PIAS1: variants seen among roughly 807,000 people sequenced by gnomAD.
The protein encoded by PIAS1 is protein inhibitor of activated STAT 1.
A neutral mutation model predicts 71.3 loss-of-function variants in PIAS1; 6 were observed. The observed-to-expected ratio is 0.08, with a 90% CI of 0.05 to 0.17. The LOEUF (loss-of-function observed/expected upper bound fraction) is 0.17. Ranked by LOEUF, PIAS1 falls within the 10% of genes least tolerant of loss-of-function variation. The pLI, the probability that PIAS1 is intolerant of heterozygous loss-of-function variation, is 1.00. For missense variants in PIAS1, 555 were observed against 793.6 expected, an observed-to-expected ratio of 0.70 and a Z score of 3.61; for synonymous variants, 303 against 292.9, an observed-to-expected ratio of 1.03 and a Z score of -0.35.
intron 11 of PIAS1, among the ~76,000 whole-genome samples, chr15:68,176,901 G>A (rs1223761627): frequency 6.6e-6 from 1 of 152,112 alleles, no homozygotes; most frequent in Non-Finnish European, 1.5e-5. Flanking sequence ...AAACTGTGGT[G>A]TACGTACATC....
At chr15:68,065,915 C>CTTTTTTTTTTTTTTTTTTTTTTTTT (rs869104577) in intron 1 of PIAS1, among the ~76,000 whole-genome samples, 1 of 40,160 alleles carries the variant, frequency 2.5e-5, no homozygotes, top group African/African-American at 1.3e-4. Context: ...TGACTAAAAG[C>CTTTTTTTTTTTTTTTTTTTTTTTTT]TTTTTTTTTT....
chr15:68,187,957 CTTT>C lies in PIAS1; in HGVS notation c.*127_*129del, dbSNP rs1359578159. The C allele has an allele frequency of 3.5e-6, 3 of 869,486 alleles. No homozygotes were observed. Among genetic ancestry groups the C allele is most frequent in the Non-Finnish European group, 5.2e-6 (3 of 581,524 alleles). The allele number at this position is 869,486 out of a possible 1,614,324, so 53.9% of individuals were successfully genotyped here. A position where few individuals can be genotyped will look rare whatever the true frequency, so the allele number is the denominator to read the frequency against. On this transcript the variant is annotated 3_prime_UTR_variant, in exon 14 of 14. Transcript: ENST00000249636. The surrounding 1 kb of genome is among the most constrained non-coding windows in gnomAD (Gnocchi z 5.3). ...AAAGTATACAAGCGTGTTTTTTTTC[CTTT>C]TTTTAGGGAAAAAATTAAAAGAAAT...
At chr15:68,154,578 A>C (rs1370144212) in intron 7 of PIAS1, among the ~76,000 whole-genome samples, 1 of 152,222 alleles carries the variant, frequency 6.6e-6, no homozygotes, top group South Asian at 2.1e-4. Flanking sequence ...CTTTTGTAGC[A>C]TAGCTATTAC....
rs1319709256 is a variant in PIAS1, at chr15:68,134,577, C to T, written c.470-7369C>T. Among the ~76,000 whole-genome samples, 2 of 42,668 alleles carry T rather than the reference C, an allele frequency of 4.7e-5. 1 individual carries two copies. The highest frequency in any genetic ancestry group is 9.5e-5 in the African/African-American group (2 of 21,132). 28.0% of individuals were successfully genotyped at this position (42,668 alleles called of 152,430 possible). The stretch of plus-strand genomic sequence containing the variant: ...CCCAGTAGGGGCGGCCGGGCAGAGG[C>T]GCCCCCCACCCCCCAGACGGGGCGG... On this transcript the variant is annotated intron_variant, in intron 2 of 13. Transcript: ENST00000249636.
chr15:68,080,960 C>G (rs181249112), intron 1 of PIAS1, among the ~76,000 whole-genome samples: 1 of 152,250 alleles, frequency 6.6e-6, no homozygotes, highest in African/African-American at 2.4e-5. Flanking sequence ...TAATTCTTAT[C>G]CACAGTGTAG....
intron 1 of PIAS1, chr15:68,057,406 A>G: frequency 2.5e-6 from 1 of 395,452 alleles, no homozygotes; most frequent in South Asian, 1.9e-5. Context: ...CTCCTCTTAA[A>G]GTAATTTAAA....
intron 2 of PIAS1, among the ~76,000 whole-genome samples, chr15:68,099,607 CT>C (rs2092406494): frequency 6.6e-6 from 1 of 151,110 alleles, no homozygotes; most frequent in Admixed American, 6.6e-5. Context: ...CATAAGTTTT[CT>C]TTTCTCCAAA....
intron 1 of PIAS1, among the ~76,000 whole-genome samples, chr15:68,068,991 G>A (rs1433604458): frequency 6.7e-6 from 1 of 149,052 alleles, no homozygotes. Context: ...CACCTCCTGG[G>A]TTCAAGCCAT....
At chr15:68,060,886 G>A (rs1287229619) in intron 1 of PIAS1, among the ~76,000 whole-genome samples, 1 of 152,196 alleles carries the variant, frequency 6.6e-6, no homozygotes, top group Non-Finnish European at 1.5e-5. Flanking sequence ...GTTTCACCAT[G>A]TTGGCCAGGT....
chr15:68,173,550 G>C lies in PIAS1; in HGVS notation c.1009-182G>C, dbSNP rs2093004389. The stretch of plus-strand genomic sequence containing the variant: ...TTTGTTTGATAGCCAAAGAAATACT[G>C]TCATTTTTTAACCTATGGATATTTC... On this transcript the variant is annotated intron_variant, in intron 8 of 13. Transcript: ENST00000249636. This position sits in a 1 kb window ranked among gnomAD's most constrained non-coding sequence, Gnocchi z 4.3. Among the ~76,000 whole-genome samples the C allele has an allele frequency of 6.6e-6, 1 of 152,174 alleles. No individual in the cohort carries two copies.
At chr15:68,162,818 C>T (rs2141075394) in intron 7 of PIAS1, among the ~76,000 whole-genome samples, 1 of 152,294 alleles carries the variant, frequency 6.6e-6, no homozygotes, top group East Asian at 1.9e-4. Context: ...TCAAGCAATC[C>T]TCCTACCTCA....
chr15:68,123,831 ACCTTCACTACTG>A (rs1280156304), intron 2 of PIAS1, among the ~76,000 whole-genome samples: 4 of 152,314 alleles, frequency 2.6e-5, no homozygotes, highest in Non-Finnish European at 4.4e-5. Context: ...AAATAGATGT[ACCTTCACTACTG>A]CTATGCTTCA....
chr15:68,065,359 G>T (rs1257607622), intron 1 of PIAS1, among the ~76,000 whole-genome samples: 2 of 151,982 alleles, frequency 1.3e-5, no homozygotes, highest in Admixed American at 6.6e-5. Context: ...GGAGACCTAG[G>T]CAGGCAGAGT....
intron 2 of PIAS1, among the ~76,000 whole-genome samples, chr15:68,088,176 G>GTATGTGTATATATATATATA (rs1555424823): frequency 4.1e-5 from 3 of 73,008 alleles, no homozygotes; most frequent in African/African-American, 1.9e-4. Flanking sequence ...TTATGTGTGT[G>GTATGTGTATATATATATATA]TATATATATA....
At chr15:68,080,364 A>G (rs1353872730) in intron 1 of PIAS1, among the ~76,000 whole-genome samples, 3 of 152,226 alleles carry the variant, frequency 2.0e-5, no homozygotes, top group Admixed American at 2.0e-4. Flanking sequence ...AATGCAGTCA[A>G]TAAGATGGAC....
At chr15:68,059,709 CAAAA>C (rs770069635) in intron 1 of PIAS1, among the ~76,000 whole-genome samples, 6 of 76,478 alleles carry the variant, frequency 7.8e-5, no homozygotes, top group African/African-American at 2.6e-4. Context: ...CCGTCTCAAA[CAAAA>C]AAAAAAAAAA....
intron 2 of PIAS1, among the ~76,000 whole-genome samples, chr15:68,115,180 G>A (rs1271006673): frequency 1.3e-5 from 2 of 152,066 alleles, no homozygotes; most frequent in African/African-American, 4.8e-5. Flanking sequence ...ATAAATAAAG[G>A]TGCTGTAAGC....
intron 12 of PIAS1, 149 bp from the exon 13 acceptor site, chr15:68,183,481 C>T (rs907685010): frequency 8.9e-6 from 5 of 560,766 alleles, no homozygotes; most frequent in Admixed American, 6.7e-5. Context: ...AAAGGAGAGA[C>T]GTAAAACGTT....
At chr15:68,060,591 C>T (rs139358550) in intron 1 of PIAS1, among the ~76,000 whole-genome samples, 2,465 of 152,010 alleles carry the variant, frequency 0.016, 30 homozygotes, top group Middle Eastern at 0.031. Flanking sequence ...CCAGGCTGGG[C>T]GACAGAGTGA....
Sources: allele counts gnomAD v4.1 joint callset (sites outside exome capture counted in the v4.1 genomes callset), GRCh38; gene constraint gnomAD v4.1.1; non-coding constraint Gnocchi (gnomAD v3.1); transcripts MANE v1.5; gene names NCBI Gene and HGNC (gene_info 2026-07-23, HGNC 2026-07-21).